KDM4C: variants seen among roughly 807,000 people sequenced by gnomAD.
The protein encoded by KDM4C is lysine demethylase 4C, also known as lysine-specific demethylase 4C.
In KDM4C, 81 loss-of-function variants were observed where a neutral mutation model predicts 129.3. The ratio of observed to expected loss-of-function variants is 0.63; its 90% CI spans 0.52 to 0.75. The LOEUF (loss-of-function observed/expected upper bound fraction) is 0.75, where lower values mean the gene tolerates loss of function less well. Ranked by LOEUF, KDM4C falls within the 30% of genes least tolerant of loss-of-function variation. KDM4C has a pLI of 0.00. For missense variants in KDM4C, 1,457 were observed against 1,304.0 expected (o/e 1.12, Z -1.81); for synonymous variants, 573 against 456.1 (o/e 1.26, Z -3.26).
chr9:6,766,980 GT>G (rs1820754460), intron 1 of KDM4C, among the ~76,000 whole-genome samples: 1 of 152,054 alleles, frequency 6.6e-6, no homozygotes, highest in African/African-American at 2.4e-5. Flanking sequence ...GACAGGCTTT[GT>G]CTGATCATTA....
At chr9:6,918,642 G>A (rs1039372411) in intron 8 of KDM4C, among the ~76,000 whole-genome samples, 6 of 152,144 alleles carry the variant, frequency 3.9e-5, no homozygotes, top group Non-Finnish European at 5.9e-5. Flanking sequence ...TACCAGCAGT[G>A]TATGTGTTCC....
At position 6,874,850 on chromosome 9, in the gene KDM4C, G is replaced by A. The variant is rs545373187; in HGVS notation, c.630-5162G>A. ...GTGGCCTGTAATCCCAGCACTTTGGGAGGCAGAGGTGGGAGGATCACTTGA... is the reference window on the plus strand; with the variant it reads ...GTGGCCTGTAATCCCAGCACTTTGGAAGGCAGAGGTGGGAGGATCACTTGA... On this transcript the variant is annotated intron_variant, in intron 5 of 21. Transcript: ENST00000381309. Among the ~76,000 whole-genome samples the A allele has an allele frequency of 2.2e-4, 33 of 152,030 alleles. No homozygotes were observed. In the South Asian group the frequency reaches 6.3e-3, roughly 29 times the overall value.
At chr9:6,946,858 T>C (rs1287723264) in intron 8 of KDM4C, among the ~76,000 whole-genome samples, 2 of 152,110 alleles carry the variant, frequency 1.3e-5, no homozygotes, top group African/African-American at 4.8e-5. Flanking sequence ...TGTTTCCTTT[T>C]TTCTTTTGTT....
At chr9:7,138,998 G>T (rs577884603) in intron 19 of KDM4C, among the ~76,000 whole-genome samples, 2 of 152,076 alleles carry the variant, frequency 1.3e-5, no homozygotes, top group East Asian at 1.9e-4. Context: ...TAGGCCAGGC[G>T]CAGTGGCTGA....
chr9:6,887,736 T>C (rs1000856345), intron 6 of KDM4C, among the ~76,000 whole-genome samples: 4 of 152,230 alleles, frequency 2.6e-5, no homozygotes, highest in Non-Finnish European at 4.4e-5. Flanking sequence ...AAACAACTTA[T>C]GGTAAATCTG....
At position 7,085,509 on chromosome 9, in the gene KDM4C, G is replaced by C. The variant is rs553161798; in HGVS notation, c.2425-18176G>C. 2.6e-5 allele frequency among the ~76,000 whole-genome samples: 4 copies of C among 152,160 alleles called. No homozygotes were observed. The South Asian group carries it at 6.2e-4, about 24-fold the overall frequency. On this transcript the variant is annotated intron_variant, in intron 17 of 21. Transcript: ENST00000381309. The stretch of plus-strand genomic sequence containing the variant: ...ACCTGACTTTTACACTGTAAAATAC[G>C]GGGTCATGATGGCTGACCCTGGAAC...
chr9:6,964,922 C>CCA (rs923906267), intron 8 of KDM4C, among the ~76,000 whole-genome samples: 54 of 152,100 alleles, frequency 3.6e-4, no homozygotes, highest in African/African-American at 1.3e-3. Flanking sequence ...CCATTGCACT[C>CCA]CAGCCTGGGC....
chr9:7,155,928 C>T (rs1039712008), intron 19 of KDM4C, among the ~76,000 whole-genome samples: 6 of 152,188 alleles, frequency 3.9e-5, no homozygotes, highest in Admixed American at 2.6e-4. Context: ...CGTGAGCAAT[C>T]GCCATACTGT....
At chr9:6,752,866 C>A (rs1168410767), upstream of KDM4C, among the ~76,000 whole-genome samples, 2 of 152,114 alleles carry the variant, frequency 1.3e-5, no homozygotes, top group Admixed American at 6.6e-5. Context: ...ATGAAGATAT[C>A]TTTTAAGTTC....
intron 5 of KDM4C, among the ~76,000 whole-genome samples, chr9:6,858,665 C>G (rs1840347634): frequency 6.6e-6 from 1 of 151,864 alleles, no homozygotes; most frequent in African/African-American, 2.4e-5. Context: ...CCCAGCTACT[C>G]AAGAGGCTGT....
intron 12 of KDM4C, among the ~76,000 whole-genome samples, chr9:7,005,637 C>A (rs1247532006): frequency 6.6e-6 from 1 of 152,136 alleles, no homozygotes; most frequent in Non-Finnish European, 1.5e-5. Flanking sequence ...TCCCACCAGC[C>A]TGACTGAACC....
At position 7,046,934 on chromosome 9, in the gene KDM4C, T is replaced by C. The variant is rs1433621919; in HGVS notation, c.2315+17T>C. 1 of 1,505,818 alleles carries C rather than the reference T, an allele frequency of 6.6e-7. No individual in the cohort carries two copies. The highest frequency in any genetic ancestry group is 1.4e-5 in the African/African-American group (1 of 73,040). 93.3% of individuals were successfully genotyped at this position (1,505,818 alleles called of 1,614,324 possible). Reference sequence around the variant, plus strand: ...GAACAATAAGTAAGTAATACATTAATTGTGTTGAATTTCATTATTTTTCTT... The same window carrying C: ...GAACAATAAGTAAGTAATACATTAACTGTGTTGAATTTCATTATTTTTCTT... On this transcript the variant is annotated intron_variant, in intron 16 of 21. Coordinates refer to ENST00000381309, the MANE Select transcript of KDM4C (RefSeq NM_015061.6).
chr9:6,793,991 T>C (rs1457574220), intron 2 of KDM4C, among the ~76,000 whole-genome samples: 1 of 152,240 alleles, frequency 6.6e-6, no homozygotes, highest in South Asian at 2.1e-4. Context: ...AACATTTTCA[T>C]CATCCCCCAA....
At chr9:6,944,001 G>C (rs1433978263) in intron 8 of KDM4C, among the ~76,000 whole-genome samples, 1 of 151,924 alleles carries the variant, frequency 6.6e-6, no homozygotes, top group Non-Finnish European at 1.5e-5. Flanking sequence ...AGTCATGTCG[G>C]GCCTATTTAA....
chr9:6,772,091 T>C (rs1040265093), intron 1 of KDM4C, among the ~76,000 whole-genome samples: 6 of 152,176 alleles, frequency 3.9e-5, no homozygotes, highest in African/African-American at 1.4e-4. Context: ...TACATAAAAA[T>C]AAGGATTTAG....
At chr9:7,092,763 A>G (rs1448441600) in intron 17 of KDM4C, among the ~76,000 whole-genome samples, 1 of 152,166 alleles carries the variant, frequency 6.6e-6, no homozygotes, top group Non-Finnish European at 1.5e-5. Context: ...TAGTTGTATG[A>G]TTGCCAGTGA....
chr9:6,756,244 T>C (rs1481884605), upstream of KDM4C, among the ~76,000 whole-genome samples: 1 of 152,204 alleles, frequency 6.6e-6, no homozygotes, highest in Non-Finnish European at 1.5e-5. Flanking sequence ...TTATAAGTAT[T>C]TATTAATACA....
At chr9:6,786,798 G>A (rs567162291) in intron 1 of KDM4C, among the ~76,000 whole-genome samples, 47 of 152,244 alleles carry the variant, frequency 3.1e-4, no homozygotes, top group African/African-American at 1.0e-3. Context: ...TGTAATGAAT[G>A]TAAGTAGGCA....
intron 5 of KDM4C, among the ~76,000 whole-genome samples, chr9:6,877,709 A>C (rs1232148183): frequency 2.0e-5 from 3 of 152,164 alleles, no homozygotes; most frequent in African/African-American, 7.2e-5. Context: ...CTCTGATTTT[A>C]TTGTTCATGG....
Sources: allele counts gnomAD v4.1 joint callset (sites outside exome capture counted in the v4.1 genomes callset), GRCh38; gene constraint gnomAD v4.1.1; transcripts MANE v1.5; gene names NCBI Gene and HGNC (gene_info 2026-07-23, HGNC 2026-07-21).